The following KMT2A variants were observed in gnomAD, a reference collection of about 807,000 sequenced individuals.
KMT2A encodes the protein lysine methyltransferase 2A.
Under a neutral mutation model 345.3 loss-of-function variants are expected in KMT2A, and 16 were observed. That is an observed-to-expected ratio of 0.05 (90% CI 0.03 to 0.07). The LOEUF is 0.07. KMT2A is among the 10% of genes least tolerant of loss of function. The pLI is 1.00. For missense variants in KMT2A, 3,272 were observed against 4,841.6 expected (o/e 0.68, Z 9.62); for synonymous variants, 1,599 against 1,778.6 (o/e 0.90, Z 2.54).
chr11:118,519,916 T>G, intron 32 of KMT2A, 41 bp from the exon 33 acceptor site: 2 of 1,579,290 alleles, frequency 1.3e-6, no homozygotes, highest in Non-Finnish European at 8.7e-7. Context: ...ACTGCTTTAT[T>G]AAAGCATTTC....
intron 28 of KMT2A, among the ~76,000 whole-genome samples, chr11:118,507,945 A>G (rs1555049072): frequency 1.3e-5 from 2 of 152,376 alleles, no homozygotes; most frequent in East Asian, 3.9e-4. Flanking sequence ...CCTGGGCGAT[A>G]GAGCAAGACT....
At position 118,491,179 on chromosome 11, in the gene KMT2A, C is replaced by T. The variant is rs2134338471; in HGVS notation, c.4697-17C>T. On this transcript the variant is annotated splice_polypyrimidine_tract_variant and intron_variant, in intron 13 of 35. Coordinates refer to ENST00000534358, the MANE Select transcript of KMT2A (RefSeq NM_001197104.2). This position sits in a 1 kb window ranked among gnomAD's most constrained non-coding sequence, Gnocchi z 4.2. ...ATGTGAGCCAAAGCACTGCTGTAAA[C>T]TTTGCTTTGCTTTCAGGAAACTTCT... 1.2e-6 allele frequency: 2 copies of T among 1,612,094 alleles called. No homozygotes were observed. The highest frequency in any genetic ancestry group is 8.5e-7 in the Non-Finnish European group (1 of 1,179,210).
At chr11:118,467,834 T>C (rs1202822065) in intron 1 of KMT2A, among the ~76,000 whole-genome samples, 5 of 152,234 alleles carry the variant, frequency 3.3e-5, no homozygotes, top group African/African-American at 4.8e-5. Flanking sequence ...CTGTTCTTCA[T>C]TCCTTATTTT....
rs1284065947 is a variant in KMT2A, at chr11:118,513,392, CT to C, written c.11146+1379del. ...GAATGGGTACTTACAGGAATTTTAACTTTTTTTTTTTTAGGAATTTAATTTT... is the reference window on the plus strand; with the variant it reads ...GAATGGGTACTTACAGGAATTTTAACTTTTTTTTTTTAGGAATTTAATTTT... On this transcript the variant is annotated intron_variant, in intron 31 of 35. Transcript: ENST00000534358. Among the ~76,000 whole-genome samples the C allele has an allele frequency of 4.8e-4, 70 of 144,520 alleles. 1 individual carries two copies. Among genetic ancestry groups the C allele is most frequent in the Middle Eastern group, 3.7e-3 (1 of 272 alleles). 94.8% of individuals were successfully genotyped at this position (144,520 alleles called of 152,430 possible).
chr11:118,479,847 T>C (rs1950100254), intron 5 of KMT2A, among the ~76,000 whole-genome samples: 1 of 152,208 alleles, frequency 6.6e-6, no homozygotes, highest in African/African-American at 2.4e-5. Context: ...ATTAACATCG[T>C]AAGAGAGTAG....
chr11:118,471,212 A>G (rs1949936760), intron 2 of KMT2A, among the ~76,000 whole-genome samples: 1 of 152,180 alleles, frequency 6.6e-6, no homozygotes, highest in Non-Finnish European at 1.5e-5. Context: ...GCGTATTCAA[A>G]TTTGTTCAAA....
Position 118,505,274 on chromosome 11 carries a change from A to G in KMT2A, c.9382A>G (p.Met3128Val). Residue 3128 changes from methionine to valine, a missense_variant, in exon 27 of 36, where the codon ATG (methionine) becomes GTG (valine). By Grantham distance (21) the Met-to-Val change is conservative. Around this residue, in one of 27 missense-constraint regions of KMT2A, gnomAD observed 748 missense variants for 922.2 expected, o/e 0.81. Transcript: ENST00000534358. The surrounding 1 kb of genome is among the most constrained non-coding windows in gnomAD (Gnocchi z 4.6). The stretch of plus-strand genomic sequence containing the variant: ...GACAAATACTTCAGTATTGGGACCC[A>G]TGGGAGGTGGTCTCACCCTTACCAC... ...METNTSVLGPMGGGLTLTTGL... is the reference protein window; with the variant it reads ...METNTSVLGPVGGGLTLTTGL... 5.0e-6 allele frequency: 8 copies of G among 1,614,256 alleles called. No individual in the cohort carries two copies. In the African/African-American group the frequency reaches 8.0e-5, roughly 16 times the overall value.
chr11:118,493,010 C>G lies in KMT2A; in HGVS notation c.5005-47C>G, dbSNP rs782678915. 21 of 1,477,904 alleles carry G rather than the reference C, an allele frequency of 1.4e-5. No homozygotes were observed. Among genetic ancestry groups the G allele is most frequent in the Non-Finnish European group, 1.9e-5 (20 of 1,069,698 alleles). The allele number at this position is 1,477,904 out of a possible 1,614,324, so 91.5% of individuals were successfully genotyped here. A position where few individuals can be genotyped will look rare whatever the true frequency, so the allele number is the denominator to read the frequency against. On this transcript the variant is annotated intron_variant, in intron 15 of 35. Transcript: ENST00000534358. The surrounding 1 kb of genome is among the most constrained non-coding windows in gnomAD (Gnocchi z 5.8). ...ATTTTAATAGAATTTACATGGACAC[C>G]TTGGTTTTAGTGTTAGATAAAAGCA...
intron 8 of KMT2A, among the ~76,000 whole-genome samples, chr11:118,483,164 C>T (rs1950167087): frequency 1.3e-5 from 2 of 149,444 alleles, no homozygotes; most frequent in South Asian, 4.2e-4. Context: ...ACCTGCGAGG[C>T]GGAGGCTGCA....
At position 118,522,693 on chromosome 11, in the gene KMT2A, G is replaced by A. The variant is rs1163632035; in HGVS notation, c.*521G>A. The A allele has an allele frequency of 4.6e-6, 1 of 217,656 alleles. No homozygotes were observed. The highest frequency in any genetic ancestry group is 9.3e-6 in the Non-Finnish European group (1 of 107,728). 13.5% of individuals were successfully genotyped at this position (217,656 alleles called of 1,614,324 possible). A position where few individuals can be genotyped will look rare whatever the true frequency, so the allele number is the denominator to read the frequency against. Reference sequence around the variant, plus strand: ...GGTTTTCCCTACTATCCTCCCACTCGAGAGTTCACTTCTGGTTGGGAGACA... The same window carrying A: ...GGTTTTCCCTACTATCCTCCCACTCAAGAGTTCACTTCTGGTTGGGAGACA... On this transcript the variant is annotated 3_prime_UTR_variant, in exon 36 of 36. Coordinates refer to ENST00000534358, the MANE Select transcript of KMT2A (RefSeq NM_001197104.2). This position sits in a 1 kb window ranked among gnomAD's most constrained non-coding sequence, Gnocchi z 5.4.
At position 118,520,970 on chromosome 11, in the gene KMT2A, C is replaced by A; in HGVS notation, c.11513+85C>A. The A allele has an allele frequency of 1.0e-6, 1 of 997,990 alleles. No homozygotes were observed. The highest frequency in any genetic ancestry group is 2.4e-5 in the East Asian group (1 of 41,294). 61.8% of individuals were successfully genotyped at this position (997,990 alleles called of 1,614,324 possible). Reference sequence around the variant, plus strand: ...CAGACCAAATGCTGGAGTGACCTTCCTCACTCAGTAAGTGAGGATTTTACG... The same window carrying A: ...CAGACCAAATGCTGGAGTGACCTTCATCACTCAGTAAGTGAGGATTTTACG... On this transcript the variant is annotated intron_variant, in intron 34 of 35. Coordinates refer to ENST00000534358, the MANE Select transcript of KMT2A (RefSeq NM_001197104.2). This position sits in a 1 kb window ranked among gnomAD's most constrained non-coding sequence, Gnocchi z 4.3.
Position 118,476,717 on chromosome 11 carries a change from C to T in KMT2A, c.3157-88C>T. ...TTGTGTGTTTTGATTCTAAATCATA[C>T]TGAAATTGATTAAGTATACCTTGGC... On this transcript the variant is annotated intron_variant, in intron 3 of 35. Coordinates refer to ENST00000534358, the MANE Select transcript of KMT2A (RefSeq NM_001197104.2). The surrounding 1 kb of genome is among the most constrained non-coding windows in gnomAD (Gnocchi z 4.1). 9.6e-7 allele frequency: 1 copy of T among 1,039,436 alleles called. No homozygotes were observed. The highest frequency in any genetic ancestry group is 1.4e-6 in the Non-Finnish European group (1 of 703,604). 64.4% of individuals were successfully genotyped at this position (1,039,436 alleles called of 1,614,324 possible). A position where few individuals can be genotyped will look rare whatever the true frequency, so the allele number is the denominator to read the frequency against.
rs782797240 is a variant in KMT2A, at chr11:118,505,360, G to A, written c.9468G>A (p.Leu3156=). 17 of 1,614,138 alleles carry A rather than the reference G, an allele frequency of 1.1e-5. No homozygotes were observed. In the South Asian group the frequency reaches 1.8e-4, roughly 17 times the overall value. Residue 3156 remains leucine, a synonymous_variant, in exon 27 of 36, where the codon TTG becomes TTA. Coordinates refer to ENST00000534358, the MANE Select transcript of KMT2A (RefSeq NM_001197104.2). This position sits in a 1 kb window ranked among gnomAD's most constrained non-coding sequence, Gnocchi z 4.6. The stretch of plus-strand genomic sequence containing the variant: ...TGTTCCCTTCTGCTAGCAAAGGATT[G>A]CTACCCATGTCTCATCACCAGCACT... ...QSLFPSASKG[L]LPMSHHQHLH...
intron 2 of KMT2A, 98 bp from the exon 3 acceptor site, chr11:118,471,564 C>G: frequency 1.5e-6 from 1 of 682,006 alleles, no homozygotes; most frequent in East Asian, 2.7e-5. Context: ...AAGTTGAACT[C>G]AGTACAAAAT....
intron 31 of KMT2A, among the ~76,000 whole-genome samples, chr11:118,513,049 G>A (rs534394153): frequency 6.6e-6 from 1 of 151,912 alleles, no homozygotes; most frequent in African/African-American, 2.4e-5. Flanking sequence ...GACCAGCCTG[G>A]GCTTCATACA....
rs573028268 is a variant in KMT2A at position 118,514,626 on chromosome 11, T to TTTTTTA, written c.11146+2619_11146+2624dup. On this transcript the variant is annotated intron_variant, in intron 31 of 35. Transcript: ENST00000534358. Reference sequence around the variant, plus strand: ...CGGCTATTTTTTGTATTATTATTATTTTTTTATTTTTATTTTTATTTTTTG... The same window carrying TTTTTTA: ...CGGCTATTTTTTGTATTATTATTATTTTTTTATTTTTATTTTTATTTTTATTTTTTG... 5.6e-3 allele frequency among the ~76,000 whole-genome samples: 846 copies of TTTTTTA among 151,086 alleles called. 8 individuals are homozygous for TTTTTTA. The highest frequency in any genetic ancestry group is 0.019 in the African/African-American group (798 of 41,166).
At chr11:118,450,796 C>T (rs1312474562) in intron 1 of KMT2A, 1 of 152,192 alleles carries the variant, frequency 6.6e-6, no homozygotes, top group African/African-American at 2.4e-5. Context: ...AATCTGTTCA[C>T]AAGAGAATAT....
chr11:118,513,541 A>AT (rs1432836323), intron 31 of KMT2A, among the ~76,000 whole-genome samples: 35 of 152,084 alleles, frequency 2.3e-4, no homozygotes, highest in Middle Eastern at 3.4e-3. Flanking sequence ...CACCCTGTGT[A>AT]TTTTTTTATA....
chr11:118,471,813 A>G lies in KMT2A; in HGVS notation c.654A>G (p.Ile218Met). The G allele has an allele frequency of 6.2e-7, 1 of 1,613,292 alleles. No individual in the cohort carries two copies. The highest frequency in any genetic ancestry group is 8.5e-7 in the Non-Finnish European group (1 of 1,179,746). ...TCAAGAAGAAAGATTCTAAAAGTAT[A>G]GAAAAGAAGAGAGGAAGACCTCCCA... ...DKIKKKDSKS[I>M]EKKRGRPPTF... The change falls in exon 3 of 36, where the codon ATA (isoleucine) becomes ATG (methionine). Residue 218 changes from isoleucine (I) to methionine (M), a missense_variant. By Grantham distance (10) the Ile-to-Met change is conservative. This residue lies in a region of KMT2A where 412 missense variants were observed against 511.0 expected (regional missense o/e 0.81). Coordinates refer to ENST00000534358, the MANE Select transcript of KMT2A (RefSeq NM_001197104.2).
Sources: gnomAD v4.1 joint callset for allele counts (sites outside exome capture counted in the v4.1 genomes callset) on GRCh38, gnomAD v4.1.1 for gene constraint, gnomAD v4.1.1 regional missense constraint, Gnocchi (gnomAD v3.1) non-coding constraint, MANE v1.5 for transcripts, NCBI Gene and HGNC (gene_info 2026-07-23, HGNC 2026-07-21) for gene names.